The following NLGN1 variants were observed in gnomAD, a reference collection of about 807,000 sequenced individuals.
NLGN1 encodes the protein neuroligin 1, also known as neuroligin-1.
NLGN1 carries 12 observed loss-of-function variants against 65.5 expected under a neutral mutation model. That is an observed-to-expected ratio of 0.18 (90% CI 0.12 to 0.30). The LOEUF (loss-of-function observed/expected upper bound fraction) is 0.30. NLGN1 is among the 10% of genes least tolerant of loss of function. The probability of loss-of-function intolerance (pLI) is 1.00; values close to 1 mark genes in which losing one functional copy is unlikely to be tolerated. For missense variants in NLGN1, 750 were observed against 1,007.1 expected, an observed-to-expected ratio of 0.74 and a Z score of 3.46; for synonymous variants, 350 against 359.5, an observed-to-expected ratio of 0.97 and a Z score of 0.30.
At chr3:173,667,883 G>A (rs562058100) in intron 3 of NLGN1, among the ~76,000 whole-genome samples, 1 of 152,158 alleles carries the variant, frequency 6.6e-6, no homozygotes, top group African/African-American at 2.4e-5. Context: ...CGCTTGTCTT[G>A]GTTTCCCAAA....
intron 4 of NLGN1, among the ~76,000 whole-genome samples, chr3:173,865,497 T>A (rs1181944017): frequency 1.3e-5 from 2 of 152,182 alleles, no homozygotes; most frequent in African/African-American, 4.8e-5. Context: ...CTAAGTAATT[T>A]ATTCCTCAAT....
At chr3:173,829,229 G>A (rs1375275728) in intron 4 of NLGN1, among the ~76,000 whole-genome samples, 1 of 152,008 alleles carries the variant, frequency 6.6e-6, no homozygotes, top group Non-Finnish European at 1.5e-5. Context: ...CAACTTTTTG[G>A]CAAGACAGCA....
At chr3:174,263,461 C>A (rs1487444459) in intron 4 of NLGN1, among the ~76,000 whole-genome samples, 3 of 149,678 alleles carry the variant, frequency 2.0e-5, no homozygotes, top group Admixed American at 2.0e-4. Flanking sequence ...CTCTTTTGAT[C>A]TTTGTTGGTT....
At chr3:173,561,431 T>C (rs6800863) in intron 2 of NLGN1, among the ~76,000 whole-genome samples, 87,921 of 151,712 alleles carry the variant, frequency 0.58, 25,745 homozygotes, top group East Asian at 0.85. Context: ...TAGTACAAAA[T>C]CCCATCCCGA....
At chr3:173,484,894 T>C (rs1727909007) in intron 2 of NLGN1, among the ~76,000 whole-genome samples, 1 of 152,070 alleles carries the variant, frequency 6.6e-6, no homozygotes, top group South Asian at 2.1e-4. Context: ...TCAGTTTCTG[T>C]GTTTTTCTAC....
intron 4 of NLGN1, among the ~76,000 whole-genome samples, chr3:174,214,067 T>C (rs1737171024): frequency 6.6e-6 from 1 of 150,830 alleles, no homozygotes; most frequent in Non-Finnish European, 1.5e-5. Context: ...CCGTAAGGGG[T>C]TTTTTTGATG....
chr3:173,436,663 A>C (rs147684170), intron 2 of NLGN1, among the ~76,000 whole-genome samples: 1 of 152,174 alleles, frequency 6.6e-6, no homozygotes. Flanking sequence ...CTTGACTTCT[A>C]TAAGTTACAT....
intron 3 of NLGN1, among the ~76,000 whole-genome samples, chr3:173,664,103 T>C (rs1231126584): frequency 6.6e-6 from 1 of 152,026 alleles, no homozygotes; most frequent in Non-Finnish European, 1.5e-5. Flanking sequence ...AATGTGCTTC[T>C]CCAAAATATG....
rs141449801 is a variant in NLGN1, at chr3:173,892,090, G to A, written c.646+84258G>A. 4.5e-4 allele frequency among the ~76,000 whole-genome samples: 68 copies of A among 152,090 alleles called. No individual in the cohort carries two copies. In the East Asian group the frequency reaches 0.011, roughly 26 times the overall value. On this transcript the variant is annotated intron_variant, in intron 4 of 6. Transcript: ENST00000457714. Reference sequence around the variant, plus strand: ...TGTATCATGGAATCCTGATGCGTGAGAGAAGTCATCTATCTTTACAAGCAT... The same window carrying A: ...TGTATCATGGAATCCTGATGCGTGAAAGAAGTCATCTATCTTTACAAGCAT...
At chr3:174,209,370 A>G (rs962759475) in intron 4 of NLGN1, among the ~76,000 whole-genome samples, 3 of 152,192 alleles carry the variant, frequency 2.0e-5, no homozygotes, top group Non-Finnish European at 2.9e-5. Flanking sequence ...AGATCAGTGT[A>G]TAGAGCATCA....
chr3:174,273,001 C>CTT lies in NLGN1; in HGVS notation c.647-2302_647-2301dup, dbSNP rs372623188. 1.5e-3 allele frequency among the ~76,000 whole-genome samples: 223 copies of CTT among 144,524 alleles called. 3 individuals are homozygous for CTT. In the South Asian group the frequency reaches 0.021, roughly 13 times the overall value. The allele number at this position is 144,524 out of a possible 152,430, so 94.8% of individuals were successfully genotyped here. A position where few individuals can be genotyped will look rare whatever the true frequency, so the allele number is the denominator to read the frequency against. On this transcript the variant is annotated intron_variant, in intron 4 of 6. Transcript: ENST00000457714. The stretch of plus-strand genomic sequence containing the variant: ...AAGTAGAAGTTACTTTTCAGAGGAA[C>CTT]TTTTTTTTTTTTTACAGCACTGTTG...
At position 173,539,510 on chromosome 3, in the gene NLGN1, T is replaced by C. The variant is rs142598085; in HGVS notation, c.-320-64769T>C. Among the ~76,000 whole-genome samples the C allele has an allele frequency of 2.4e-3, 340 of 143,194 alleles. 10 individuals are homozygous for C. The highest frequency in any genetic ancestry group is 1.1e-3 in the Non-Finnish European group (74 of 66,082). The allele number at this position is 143,194 out of a possible 152,430, so 93.9% of individuals were successfully genotyped here. The stretch of plus-strand genomic sequence containing the variant: ...GTATATGTATGTATATGTATATGTA[T>C]GTACATGTATATGTATATATACATA... On this transcript the variant is annotated intron_variant, in intron 2 of 6. Transcript: ENST00000457714.
intron 4 of NLGN1, among the ~76,000 whole-genome samples, chr3:173,979,732 T>A (rs1718338317): frequency 6.6e-6 from 1 of 152,156 alleles, no homozygotes; most frequent in Admixed American, 6.6e-5. Context: ...TTTTCCTGTA[T>A]ATCCATAGTA....
intron 4 of NLGN1, among the ~76,000 whole-genome samples, chr3:174,261,160 C>T (rs1484514257): frequency 1.3e-4 from 20 of 151,798 alleles, no homozygotes; most frequent in Admixed American, 4.6e-4. Flanking sequence ...ATTGCCTTGG[C>T]GATGCAGGCT....
intron 4 of NLGN1, among the ~76,000 whole-genome samples, chr3:174,137,380 A>G (rs1454055443): frequency 6.6e-6 from 1 of 152,180 alleles, no homozygotes; most frequent in Non-Finnish European, 1.5e-5. Context: ...ACATAATTTT[A>G]TAGTAAAGAT....
chr3:173,747,122 C>A (rs532413847), intron 3 of NLGN1, among the ~76,000 whole-genome samples: 15 of 147,042 alleles, frequency 1.0e-4, no homozygotes, highest in Admixed American at 2.1e-4. Flanking sequence ...CACGTGTATA[C>A]GTGTGTGTGT....
At chr3:173,673,425 C>T (rs905793030) in intron 3 of NLGN1, among the ~76,000 whole-genome samples, 2 of 152,064 alleles carry the variant, frequency 1.3e-5, no homozygotes, top group Non-Finnish European at 2.9e-5. Context: ...TTAGAGTATA[C>T]ATTAAAAGGA....
chr3:173,788,758 C>T (rs1711885335), intron 3 of NLGN1, among the ~76,000 whole-genome samples: 1 of 136,488 alleles, frequency 7.3e-6, no homozygotes, highest in Non-Finnish European at 1.5e-5. Flanking sequence ...GAGTTGGAGG[C>T]TGTAGTGTGC....
At chr3:173,981,460 G>T (rs1718758191) in intron 4 of NLGN1, among the ~76,000 whole-genome samples, 2 of 152,068 alleles carry the variant, frequency 1.3e-5, no homozygotes, top group South Asian at 4.1e-4. Flanking sequence ...GAAGAGTTGA[G>T]GTCATGGCTC....
Sources: gnomAD v4.1 joint callset for allele counts (sites outside exome capture counted in the v4.1 genomes callset) on GRCh38, gnomAD v4.1.1 for gene constraint, MANE v1.5 for transcripts, NCBI Gene and HGNC (gene_info 2026-07-23, HGNC 2026-07-21) for gene names.